The following PFKFB4 variants were observed in gnomAD, a reference collection of about 807,000 sequenced individuals.
PFKFB4 encodes 6-phosphofructo-2-kinase/fructose-2,6-biphosphatase 4.
Under a neutral mutation model 62.8 loss-of-function variants are expected in PFKFB4, and 42 were observed. That is an observed-to-expected ratio of 0.67 (90% confidence interval 0.52 to 0.86). PFKFB4 has a LOEUF of 0.86. Among genes scored for constraint, PFKFB4 ranks in the 40% least tolerant of loss-of-function variants. The pLI, the probability that PFKFB4 is intolerant of heterozygous loss-of-function variation, is 0.00. For synonymous variants in PFKFB4, 204 were observed against 240.7 expected (o/e 0.85, Z 1.41); for missense variants, 475 against 627.2 (o/e 0.76, Z 2.59).
Position 48,556,587 on chromosome 3 carries a change from TC to T in PFKFB4, c.97+93del. Reference sequence around the variant, plus strand: ...ACCTGTCCCCGGTTCCCCATCTGTCTCCCGCCCCTTCTCCATGCGAGACCCC... The same window carrying T: ...ACCTGTCCCCGGTTCCCCATCTGTCTCCGCCCCTTCTCCATGCGAGACCCC... On this transcript the variant is annotated intron_variant, in intron 1 of 13. Coordinates refer to ENST00000232375, the MANE Select transcript of PFKFB4 (RefSeq NM_004567.4). The surrounding 1 kb of genome is among the most constrained non-coding windows in gnomAD (Gnocchi z 5.7). The T allele has an allele frequency of 7.1e-7, 1 of 1,399,662 alleles. No homozygotes were observed. Among genetic ancestry groups the T allele is most frequent in the Non-Finnish European group, 9.6e-7 (1 of 1,037,736 alleles). The allele number at this position is 1,399,662 out of a possible 1,614,324, so 86.7% of individuals were successfully genotyped here.
upstream of PFKFB4, among the ~76,000 whole-genome samples, chr3:48,559,282 G>T (rs1195504771): frequency 6.6e-6 from 1 of 152,234 alleles, no homozygotes; most frequent in African/African-American, 2.4e-5. Flanking sequence ...ATCAGGAGAT[G>T]CCTGGGGTTC....
At chr3:48,535,788 T>A in intron 8 of PFKFB4, 130 bp from the exon 9 acceptor site, 2 of 1,072,816 alleles carry the variant, frequency 1.9e-6, no homozygotes, top group South Asian at 1.5e-5. Context: ...AAGCATGAAC[T>A]AACTTGTCGA....
At chr3:48,557,037 T>C, upstream of PFKFB4, 1 of 1,196,382 alleles carries the variant, frequency 8.4e-7, no homozygotes, top group African/African-American at 1.6e-5. Context: ...GGATCGAGAA[T>C]GCGCATGCTC....
At chr3:48,525,700 T>C (rs1263852305) in intron 9 of PFKFB4, 31 bp from the exon 10 acceptor site, 3 of 1,294,342 alleles carry the variant, frequency 2.3e-6, no homozygotes, top group Non-Finnish European at 3.3e-6. Flanking sequence ...TCACACCTCC[T>C]ACAGGCCCAG....
intron 9 of PFKFB4, among the ~76,000 whole-genome samples, chr3:48,531,927 G>A (rs988264477): frequency 1.3e-5 from 2 of 152,240 alleles, no homozygotes; most frequent in African/African-American, 4.8e-5. Flanking sequence ...ACAAGGATGT[G>A]GAGAAATTGG....
At position 48,519,068 on chromosome 3, in the gene PFKFB4, C is replaced by G. The variant is rs2042005845; in HGVS notation, c.*679G>C. ...CTGGGGAGGGGCGACCACAACTGCC[C>G]CCCTGCCCTCACGTTTCTGTGCATC... On this transcript the variant is annotated 3_prime_UTR_variant, in exon 14 of 14. Transcript: ENST00000232375. 6.6e-6 allele frequency: 1 copy of G among 152,244 alleles called. No individual in the cohort carries two copies. The highest frequency in any genetic ancestry group is 1.5e-5 in the Non-Finnish European group (1 of 68,070). The allele number at this position is 152,244 out of a possible 1,614,324, so 9.4% of individuals were successfully genotyped here.
intron 9 of PFKFB4, among the ~76,000 whole-genome samples, chr3:48,527,442 G>C (rs912323270): frequency 1.3e-5 from 2 of 151,848 alleles, no homozygotes. Context: ...CACCACACTT[G>C]AATACTAACA....
intron 4 of PFKFB4, among the ~76,000 whole-genome samples, chr3:48,541,272 C>T (rs2042790549): frequency 6.6e-6 from 1 of 151,846 alleles, no homozygotes; most frequent in Admixed American, 6.6e-5. Flanking sequence ...GGACTACAAG[C>T]GCCTGCCACA....
chr3:48,553,106 C>T (rs1367878167), intron 1 of PFKFB4, among the ~76,000 whole-genome samples: 6 of 152,190 alleles, frequency 3.9e-5, no homozygotes, highest in East Asian at 1.9e-4. Context: ...GTGGACTAAG[C>T]GGGCTGGGTG....
Position 48,519,750 on chromosome 3 carries a change from C to T in PFKFB4, c.1407G>A (p.Gln469=), listed in dbSNP as rs557981060. 2.5e-6 allele frequency: 4 copies of T among 1,612,900 alleles called. No homozygotes were observed. Among genetic ancestry groups the T allele is most frequent in the African/African-American group, 2.7e-5 (2 of 75,018 alleles). The stretch of plus-strand genomic sequence containing the variant: ...TGGTCACAGTGGATGAACATGGTCA[C>T]TGGTGAGCAGGCACCGTGACAAGGG... ...EEALVTVPAH[Q] The change falls in exon 14 of 14, where the codon CAG becomes CAA. Residue 469 remains glutamine (Q), a synonymous_variant. Transcript: ENST00000232375.
At position 48,535,564 on chromosome 3, in the gene PFKFB4, T is replaced by C; in HGVS notation, c.935A>G (p.Glu312Gly). 1 of 1,614,134 alleles carries C rather than the reference T, an allele frequency of 6.2e-7. No homozygotes were observed. The highest frequency in any genetic ancestry group is 8.5e-7 in the Non-Finnish European group (1 of 1,179,994). ...SQMKRTIQTA[E>G]ALGVPYEQWK... ...CTGTTCATAGGGCACACCCAGTGCC[T>C]CAGCCGTCTGGATTGTCCTCTTCAT... The change falls in exon 9 of 14, where the codon GAG becomes GGG. Residue 312 changes from glutamate (E) to glycine (G), a missense_variant. Glu to Gly is a moderately conservative substitution (Grantham distance 98). Transcript: ENST00000232375.
chr3:48,536,468 C>T lies in PFKFB4; in HGVS notation c.633-5G>A. 1 of 1,598,912 alleles carries T rather than the reference C, an allele frequency of 6.3e-7. No individual in the cohort carries two copies. On this transcript the variant is annotated splice_polypyrimidine_tract_variant and splice_region_variant and intron_variant, in intron 7 of 13. Transcript: ENST00000232375. ...ATCTTGATATAGGACAGGTCCCTGTCCAGAGAGAAAGTAGAAAGAGGCCTG... is the reference window on the plus strand; with the variant it reads ...ATCTTGATATAGGACAGGTCCCTGTTCAGAGAGAAAGTAGAAAGAGGCCTG...
Position 48,536,295 on chromosome 3 carries a change from C to A in PFKFB4, c.801G>T (p.Arg267=), listed in dbSNP as rs201359182. The A allele has an allele frequency of 3.9e-5, 63 of 1,614,060 alleles. No homozygotes were observed. The Middle Eastern group carries it at 4.9e-4, about 13-fold the overall frequency. ...HGESELNLKG[R]IGGDPGLSPR... The stretch of plus-strand genomic sequence containing the variant: ...GGGACAGTCCTGGGTCCCCGCCAAT[C>A]CGGCCCTTGAGGTTGAGCTCGCTCT... The change falls in exon 8 of 14, where the codon CGG becomes CGT. Residue 267 remains arginine (R), a synonymous_variant. Transcript: ENST00000232375.
At chr3:48,539,635 A>G (rs1319367196) in intron 5 of PFKFB4, 62 bp downstream of exon 5, 3 of 1,355,972 alleles carry the variant, frequency 2.2e-6, no homozygotes, top group Non-Finnish European at 3.2e-6. Flanking sequence ...CGGTGAAAGG[A>G]GCCCTGGAGG....
intron 10 of PFKFB4, among the ~76,000 whole-genome samples, chr3:48,525,135 C>A (rs1186873885): frequency 6.6e-6 from 1 of 152,190 alleles, no homozygotes; most frequent in South Asian, 2.1e-4. Context: ...GCCATTTGAG[C>A]GCCCCGGAAA....
In PFKFB4 at chr3:48,538,634, C is replaced by G. The variant is rs1388026010; in HGVS notation, c.511-15G>C. 1 of 1,614,094 alleles carries G rather than the reference C, an allele frequency of 6.2e-7. No homozygotes were observed. The highest frequency in any genetic ancestry group is 2.2e-5 in the East Asian group (1 of 44,886). On this transcript the variant is annotated splice_polypyrimidine_tract_variant and intron_variant, in intron 6 of 13. Coordinates refer to ENST00000232375, the MANE Select transcript of PFKFB4 (RefSeq NM_004567.4). ...AGTTTCACTTGCTGCCGGAGCCAGGCACAGAGAAAGGACATATCAGGGTCA... is the reference window on the plus strand; with the variant it reads ...AGTTTCACTTGCTGCCGGAGCCAGGGACAGAGAAAGGACATATCAGGGTCA...
chr3:48,550,158 C>T lies in PFKFB4; in HGVS notation c.174G>A (p.Lys58=). Residue 58 remains lysine (K), a synonymous_variant, in exon 2 of 14, where the codon AAG becomes AAA. Coordinates refer to ENST00000232375, the MANE Select transcript of PFKFB4 (RefSeq NM_004567.4). ...PARGKTYISK[K]LTRYLNWIGV... ...CAATCCAGTTCAGGTATCGAGTCAGCTTCTTGGAGATGTAGGTCTTGCCCC... is the reference window on the plus strand; with the variant it reads ...CAATCCAGTTCAGGTATCGAGTCAGTTTCTTGGAGATGTAGGTCTTGCCCC... The T allele has an allele frequency of 6.2e-7, 1 of 1,614,172 alleles. No homozygotes were observed. The highest frequency in any genetic ancestry group is 8.5e-7 in the Non-Finnish European group (1 of 1,179,984).
chr3:48,557,560 G>A (rs748690811), upstream of PFKFB4, among the ~76,000 whole-genome samples: 4 of 151,878 alleles, frequency 2.6e-5, no homozygotes, highest in Non-Finnish European at 5.9e-5. Context: ...TTTTGAGACG[G>A]AGTTTCGCTC....
intron 12 of PFKFB4, among the ~76,000 whole-genome samples, chr3:48,522,977 G>A (rs1420007938): frequency 6.6e-6 from 1 of 151,660 alleles, no homozygotes; most frequent in Non-Finnish European, 1.5e-5. Context: ...TAGCCAGGAG[G>A]GTCTCTATCT....
Sources: allele counts gnomAD v4.1 joint callset (sites outside exome capture counted in the v4.1 genomes callset), GRCh38; gene constraint gnomAD v4.1.1; non-coding constraint Gnocchi (gnomAD v3.1); transcripts MANE v1.5; gene names NCBI Gene and HGNC (gene_info 2026-07-23, HGNC 2026-07-21).